PPT1: variants seen among roughly 807,000 people sequenced by gnomAD.
PPT1 encodes ceroid-palmitoyl-palmitoyl-protein thioesterase 1.
In PPT1, 24 loss-of-function variants were observed where a neutral mutation model predicts 44.0. The observed-to-expected ratio is 0.54, with a 90% CI of 0.39 to 0.77. The LOEUF is 0.77. Ranked by LOEUF, PPT1 falls within the 30% of genes least tolerant of loss-of-function variation. The pLI, the probability that PPT1 is intolerant of heterozygous loss-of-function variation, is 0.00. For synonymous variants in PPT1, 148 were observed against 140.2 expected (o/e 1.06, Z -0.39); for missense variants, 341 against 378.8 (o/e 0.90, Z 0.83).
At chr1:40,088,405 AAAGT>A (rs1242832529) in intron 5 of PPT1, among the ~76,000 whole-genome samples, 1 of 152,130 alleles carries the variant, frequency 6.6e-6, no homozygotes, top group East Asian at 1.9e-4. Flanking sequence ...TCCACCTCCC[AAAGT>A]GCTGGGATTA....
intron 5 of PPT1, chr1:40,082,287 A>G (rs1570459273): frequency 6.6e-6 from 1 of 152,362 alleles, no homozygotes; most frequent in African/African-American, 2.4e-5. Flanking sequence ...GCTACGTCAG[A>G]GATGGAGCTC....
downstream of PPT1, chr1:40,072,333 C>T: frequency 2.8e-6 from 1 of 353,736 alleles, no homozygotes; most frequent in Non-Finnish European, 5.0e-6. Flanking sequence ...GTGCCTGTCA[C>T]CTGTCTTCAC....
Position 40,074,009 on chromosome 1 carries a change from T to A in PPT1, c.*52A>T. 6.2e-7 allele frequency: 1 copy of A among 1,610,080 alleles called. No homozygotes were observed. The highest frequency in any genetic ancestry group is 8.5e-7 in the Non-Finnish European group (1 of 1,177,016). Reference sequence around the variant, plus strand: ...GGCATGAAGGAAACTGTCTCCCATGTGGTTTGGAAGAGTTAGGGGCTCCCT... The same window carrying A: ...GGCATGAAGGAAACTGTCTCCCATGAGGTTTGGAAGAGTTAGGGGCTCCCT... On this transcript the variant is annotated 3_prime_UTR_variant, in exon 9 of 9. Transcript: ENST00000642050.
intron 1 of PPT1, among the ~76,000 whole-genome samples, chr1:40,093,104 C>T (rs1462009962): frequency 6.6e-6 from 1 of 152,006 alleles, no homozygotes; most frequent in Non-Finnish European, 1.5e-5. Flanking sequence ...TTGTAATAGT[C>T]AAAAGGGAGA....
At chr1:40,080,065 A>T (rs1270437386) in intron 6 of PPT1, among the ~76,000 whole-genome samples, 1 of 152,164 alleles carries the variant, frequency 6.6e-6, no homozygotes, top group East Asian at 1.9e-4. Flanking sequence ...CTCTAGAGAA[A>T]AATCCACCCC....
chr1:40,095,084 C>T (rs74068309), intron 1 of PPT1, among the ~76,000 whole-genome samples: 4,506 of 152,306 alleles, frequency 0.03, 244 homozygotes, highest in African/African-American at 0.1. Context: ...CTTTATATTG[C>T]TAAATCCAAT....
chr1:40,086,200 T>G (rs1649253449), intron 5 of PPT1, among the ~76,000 whole-genome samples: 1 of 152,076 alleles, frequency 6.6e-6, no homozygotes. Flanking sequence ...ACTGAAGCAT[T>G]CATTGTGGCA....
At chr1:40,075,476 CCT>C (rs1491202857) in intron 8 of PPT1, among the ~76,000 whole-genome samples, 6 of 91,730 alleles carry the variant, frequency 6.5e-5, no homozygotes, top group African/African-American at 2.1e-4. Context: ...ATTTCTCAAG[CCT>C]TTTTTTTTTT....
At chr1:40,077,266 G>C (rs3122426) in intron 7 of PPT1, among the ~76,000 whole-genome samples, 125,550 of 152,252 alleles carry the variant, frequency 0.82, 51,804 homozygotes, top group East Asian at 0.89. Context: ...ACAATTCACT[G>C]TTGAGTACAG....
chr1:40,083,158 T>A (rs1649064386), intron 5 of PPT1, among the ~76,000 whole-genome samples: 1 of 152,134 alleles, frequency 6.6e-6, no homozygotes, highest in African/African-American at 2.4e-5. Context: ...TTCAAAACAT[T>A]ACCACGCAGC....
chr1:40,081,219 C>T (rs1244208966), intron 5 of PPT1, among the ~76,000 whole-genome samples: 1 of 152,008 alleles, frequency 6.6e-6, no homozygotes, highest in Non-Finnish European at 1.5e-5. Context: ...GTGAATAAGT[C>T]TCATGAGATC....
chr1:40,092,993 A>C (rs1205966724), intron 1 of PPT1, among the ~76,000 whole-genome samples: 1 of 152,240 alleles, frequency 6.6e-6, no homozygotes, highest in East Asian at 1.9e-4. Context: ...ACATACGATT[A>C]CTAAATGACT....
rs531354839 is a variant in PPT1 at position 40,097,033 on chromosome 1, C to T, written c.124+82G>A. ...TGCTGTGGGACCACGTCCTCGCCCTCTACACCCGCATTTTGCAGATGCGAA... is the reference window on the plus strand; with the variant it reads ...TGCTGTGGGACCACGTCCTCGCCCTTTACACCCGCATTTTGCAGATGCGAA... On this transcript the variant is annotated intron_variant, in intron 1 of 8. Transcript: ENST00000642050. 3.7e-5 allele frequency: 60 copies of T among 1,612,638 alleles called. 1 individual carries two copies. The South Asian group carries it at 6.4e-4, about 17-fold the overall frequency.
chr1:40,074,383 TTCC>T (rs1182567214), intron 8 of PPT1, among the ~76,000 whole-genome samples, 200 bp from the exon 9 acceptor site: 8 of 151,992 alleles, frequency 5.3e-5, no homozygotes, highest in African/African-American at 1.9e-4. Flanking sequence ...TTTCTCTTTC[TTCC>T]TTTCTTTTCT....
At chr1:40,086,135 C>T (rs1649247396) in intron 5 of PPT1, among the ~76,000 whole-genome samples, 1 of 152,182 alleles carries the variant, frequency 6.6e-6, no homozygotes, top group Non-Finnish European at 1.5e-5. Flanking sequence ...ATATGTAAAG[C>T]TCTAGCTTCC....
rs6672053 is a variant in PPT1 at position 40,091,984 on chromosome 1, G to A, written c.362+61C>T. On this transcript the variant is annotated intron_variant, in intron 3 of 8. Coordinates refer to ENST00000642050, the MANE Select transcript of PPT1 (RefSeq NM_000310.4). ...TTGAATTGGAGGAGTGGATTTATCTGAATAAAAGAAACAAAAATCAATTCC... is the reference window on the plus strand; with the variant it reads ...TTGAATTGGAGGAGTGGATTTATCTAAATAAAAGAAACAAAAATCAATTCC... 1,114,585 of 1,595,178 alleles carry A rather than the reference G, an allele frequency of 0.7. 392,643 individuals are homozygous for A. Among genetic ancestry groups the A allele is most frequent in the Non-Finnish European group, 0.72 (833,992 of 1,165,128 alleles).
intron 5 of PPT1, among the ~76,000 whole-genome samples, chr1:40,085,118 A>ATGC (rs1485998532): frequency 2.6e-5 from 4 of 152,172 alleles, no homozygotes; most frequent in Non-Finnish European, 4.4e-5. Flanking sequence ...TCTCCCTGTG[A>ATGC]TGCTGTGCTT....
chr1:40,085,583 G>C (rs2124480154), intron 5 of PPT1, among the ~76,000 whole-genome samples: 1 of 152,114 alleles, frequency 6.6e-6, no homozygotes, highest in East Asian at 1.9e-4. Context: ...CCAACCTTCA[G>C]CAACCACCAC....
chr1:40,079,583 A>G (rs962250297), intron 6 of PPT1, among the ~76,000 whole-genome samples: 3 of 151,856 alleles, frequency 2.0e-5, no homozygotes, highest in African/African-American at 7.3e-5. Flanking sequence ...TTTAGTAGAG[A>G]CAGGGTTTCA....
Sources: allele counts gnomAD v4.1 joint callset (sites outside exome capture counted in the v4.1 genomes callset), GRCh38; gene constraint gnomAD v4.1.1; transcripts MANE v1.5; gene names NCBI Gene and HGNC (gene_info 2026-07-23, HGNC 2026-07-21).